The following FMN2 variants were observed in gnomAD, a reference collection of about 807,000 sequenced individuals.
FMN2 encodes the protein formin-2.
A neutral mutation model predicts 142.3 loss-of-function variants in FMN2; 51 were observed. The ratio of observed to expected loss-of-function variants is 0.36; its 90% CI spans 0.29 to 0.45. The LOEUF is 0.45. Among genes scored for constraint, FMN2 ranks in the 20% least tolerant of loss-of-function variants. FMN2 has a pLI of 1.00. For missense variants in FMN2, 1,936 were observed against 2,122.8 expected (o/e 0.91, Z 1.73); for synonymous variants, 882 against 869.8 (o/e 1.01, Z -0.25).
At chr1:240,329,261 T>G (rs141031196) in intron 9 of FMN2, 78 bp from the exon 10 acceptor site, 1 of 1,594,856 alleles carries the variant, frequency 6.3e-7, no homozygotes, top group Non-Finnish European at 8.6e-7. Context: ...CAGTGCATAC[T>G]TGTTGTGAAT....
rs1663873992 is a variant in FMN2, at chr1:240,153,454, G to T, written c.1783-24467G>T. Among the ~76,000 whole-genome samples the T allele has an allele frequency of 3.6e-5, 5 of 139,900 alleles. No individual in the cohort carries two copies. The Admixed American group carries it at 3.9e-4, about 11-fold the overall frequency. The allele number at this position is 139,900 out of a possible 152,430, so 91.8% of individuals were successfully genotyped here. A position where few individuals can be genotyped will look rare whatever the true frequency, so the allele number is the denominator to read the frequency against. On this transcript the variant is annotated intron_variant, in intron 2 of 17. Transcript: ENST00000319653. ...TAGCTCACTGCAGCCTTAACCTCCT[G>T]GGCTGAAGTGATCTCCCACCTAAAC...
At chr1:240,336,123 AC>A (rs1671546978) in intron 13 of FMN2, among the ~76,000 whole-genome samples, 1 of 152,214 alleles carries the variant, frequency 6.6e-6, no homozygotes, top group South Asian at 2.1e-4. Context: ...AGCCTGAGCA[AC>A]AAGAGCGAAA....
intron 4 of FMN2, among the ~76,000 whole-genome samples, chr1:240,205,107 A>C (rs1666279666): frequency 6.6e-6 from 1 of 152,108 alleles, no homozygotes; most frequent in African/African-American, 2.4e-5. Context: ...CAGGTGGGTA[A>C]GAAGCGTGTG....
At chr1:240,391,041 A>G (rs1001571588) in intron 14 of FMN2, among the ~76,000 whole-genome samples, 2 of 152,218 alleles carry the variant, frequency 1.3e-5, no homozygotes, top group African/African-American at 4.8e-5. Flanking sequence ...CTTTTATGCT[A>G]GGCAACTCAG....
chr1:240,246,839 T>C (rs1334889399), intron 6 of FMN2, among the ~76,000 whole-genome samples: 1 of 152,222 alleles, frequency 6.6e-6, no homozygotes, highest in Non-Finnish European at 1.5e-5. Context: ...TTCTTTTTTC[T>C]GATTATAAGT....
At chr1:240,437,247 G>C (rs1355158655) in intron 15 of FMN2, among the ~76,000 whole-genome samples, 1 of 150,020 alleles carries the variant, frequency 6.7e-6, no homozygotes, top group Non-Finnish European at 1.5e-5. Flanking sequence ...TCTACTCAAT[G>C]ATAGCACTGT....
In FMN2 at chr1:240,340,059, GT is replaced by G. The variant is rs200694928; in HGVS notation, c.4765+5834del. ...ATTTATTCTTCTAAATAAGATGAAT[GT>G]TTTAGAACATTCTAACTAACAATTG... On this transcript the variant is annotated intron_variant, in intron 13 of 17. Transcript: ENST00000319653. Among the ~76,000 whole-genome samples the G allele has an allele frequency of 6.1e-3, 930 of 152,102 alleles. 12 individuals carry two copies. The highest frequency in any genetic ancestry group is 0.021 in the African/African-American group (870 of 41,512).
intron 2 of FMN2, among the ~76,000 whole-genome samples, chr1:240,165,401 G>T (rs1015697704): frequency 2.6e-5 from 4 of 152,014 alleles, no homozygotes; most frequent in Non-Finnish European, 5.9e-5. Flanking sequence ...GTCTCAAACT[G>T]CTGGACTCAA....
At chr1:240,215,864 G>A (rs201672798) in intron 6 of FMN2, among the ~76,000 whole-genome samples, 12 of 151,834 alleles carry the variant, frequency 7.9e-5, no homozygotes, top group African/African-American at 2.4e-4. Flanking sequence ...GCGGGCCACC[G>A]TGACCAGCTA....
intron 7 of FMN2, among the ~76,000 whole-genome samples, chr1:240,269,041 C>A (rs962005517): frequency 3.3e-5 from 5 of 151,922 alleles, no homozygotes; most frequent in Non-Finnish European, 7.4e-5. Context: ...TGTGCAGAAG[C>A]ATTTTGATTT....
rs763589322 is a variant in FMN2, at chr1:240,092,341, C to T, written c.232C>T (p.Leu78=). 8 of 1,608,870 alleles carry T rather than the reference C, an allele frequency of 5.0e-6. No individual in the cohort carries two copies. Among genetic ancestry groups the T allele is most frequent in the African/African-American group, 2.7e-5 (2 of 74,910 alleles). The change falls in exon 1 of 18, where the codon CTG becomes TTG. Residue 78 remains leucine (L), a synonymous_variant. Transcript: ENST00000319653. The part of the protein sequence containing the change: ...SDSRASVFSN[L]RIRKNLSKGK... Reference sequence around the variant, plus strand: ...CTCCAGAGCCTCGGTGTTTTCCAACCTGCGGATCAGGAAGAATCTGTCCAA... The same window carrying T: ...CTCCAGAGCCTCGGTGTTTTCCAACTTGCGGATCAGGAAGAATCTGTCCAA...
intron 8 of FMN2, among the ~76,000 whole-genome samples, chr1:240,317,270 C>G (rs1172573982): frequency 6.6e-6 from 1 of 151,672 alleles, no homozygotes; most frequent in East Asian, 1.9e-4. Context: ...GAGCCGATAT[C>G]ATGCCACTGC....
intron 15 of FMN2, among the ~76,000 whole-genome samples, chr1:240,427,188 T>TATATATAC (rs2103153963): frequency 7.1e-6 from 1 of 141,636 alleles, no homozygotes; most frequent in East Asian, 1.9e-4. Context: ...TATATATATA[T>TATATATAC]ATATGGTTTT....
intron 7 of FMN2, among the ~76,000 whole-genome samples, chr1:240,284,528 T>G (rs1429601983): frequency 2.6e-5 from 4 of 152,154 alleles, no homozygotes; most frequent in Non-Finnish European, 5.9e-5. Flanking sequence ...TCCCCAGCTG[T>G]CCACTCTTGG....
chr1:240,130,311 T>A (rs1486091139), intron 2 of FMN2, among the ~76,000 whole-genome samples: 1 of 152,170 alleles, frequency 6.6e-6, no homozygotes, highest in African/African-American at 2.4e-5. Flanking sequence ...TTTATTTATT[T>A]ATTTATTTTG....
At chr1:240,361,771 A>G (rs1672492781) in intron 14 of FMN2, among the ~76,000 whole-genome samples, 1 of 152,354 alleles carries the variant, frequency 6.6e-6, no homozygotes, top group African/African-American at 2.4e-5. Context: ...AGGATTGGAC[A>G]TCATAAGCAA....
chr1:240,277,907 C>T (rs73122303), intron 7 of FMN2, among the ~76,000 whole-genome samples: 4,643 of 151,988 alleles, frequency 0.031, 211 homozygotes, highest in African/African-American at 0.1. Context: ...GTCTGGTAAA[C>T]AATAAACTTA....
chr1:240,438,182 A>G lies in FMN2; in HGVS notation c.5032A>G (p.Lys1678Glu). The G allele has an allele frequency of 6.2e-7, 1 of 1,613,814 alleles. No homozygotes were observed. The highest frequency in any genetic ancestry group is 8.5e-7 in the Non-Finnish European group (1 of 1,179,920). ...FSSDFKDFWK[K>E]ENKLLLQERV... The stretch of plus-strand genomic sequence containing the variant: ...CTCTGACTTTAAAGACTTCTGGAAG[A>G]AAGAGAACAAACTTCTTCTACAAGA... Residue 1678 changes from lysine (K) to glutamate (E), a missense_variant, in exon 16 of 18, where the codon AAA (lysine) becomes GAA (glutamate). Lys to Glu is a moderately conservative substitution (Grantham distance 56). Around this residue, in one of 8 missense-constraint regions of FMN2, gnomAD observed 322 missense variants for 401.6 expected, o/e 0.80. Coordinates refer to ENST00000319653, the MANE Select transcript of FMN2 (RefSeq NM_020066.5).
At chr1:240,276,478 T>C (rs115665062) in intron 7 of FMN2, among the ~76,000 whole-genome samples, 3,952 of 152,258 alleles carry the variant, frequency 0.026, 90 homozygotes, top group South Asian at 0.06. Context: ...ACTTTGACCC[T>C]ACCTTGGGGG....
Sources: gnomAD v4.1 joint callset for allele counts (sites outside exome capture counted in the v4.1 genomes callset) on GRCh38, gnomAD v4.1.1 for gene constraint, gnomAD v4.1.1 regional missense constraint, MANE v1.5 for transcripts, NCBI Gene and HGNC (gene_info 2026-07-23, HGNC 2026-07-21) for gene names.